The following OGT variants were observed in gnomAD, a reference collection of about 807,000 sequenced individuals.
OGT encodes the protein UDP-N-acetylglucosamine--peptide N-acetylglucosaminyltransferase 110 kDa subunit.
OGT carries 3 observed loss-of-function variants against 75.8 expected under a neutral mutation model. The ratio of observed to expected loss-of-function variants is 0.04; its 90% confidence interval spans 0.02 to 0.10. OGT has a LOEUF of 0.10. Ranked by LOEUF, OGT falls within the 10% of genes least tolerant of loss-of-function variation. The pLI is 1.00. For synonymous variants in OGT, 257 were observed against 289.7 expected (o/e 0.89, Z 1.15); for missense variants, 260 against 824.4 (o/e 0.32, Z 8.38).
At position 71,554,427 on chromosome X, in the gene OGT, C is replaced by T; in HGVS notation, c.649-86C>T. The T allele has an allele frequency of 8.4e-6, 5 of 592,152 alleles. No individual in the cohort carries two copies. In the Admixed American group the frequency reaches 1.2e-4, roughly 15 times the overall value. The allele number at this position is 592,152 out of a possible 1,213,427, so 48.8% of individuals were successfully genotyped here. A position where few individuals can be genotyped will look rare whatever the true frequency, so the allele number is the denominator to read the frequency against. ...AAATGTAATTGAAAGTCTGCAAGGA[C>T]CTTGGAGTAAAAAAATTGTAATTGG... On this transcript the variant is annotated intron_variant, in intron 5 of 21. Coordinates refer to ENST00000373719, the MANE Select transcript of OGT (RefSeq NM_181672.3).
chrX:71,547,808 T>TCTCC, intron 4 of OGT, 99 bp from the exon 5 acceptor site: 1 of 1,068,205 alleles, frequency 9.4e-7, no homozygotes, highest in African/African-American at 2.1e-5. Flanking sequence ...ATCACCTTCT[T>TCTCC]CCCCCCCTCC....
At position 71,575,146 on chromosome X, in the gene OGT, A is replaced by C; in HGVS notation, c.*1352A>C. The C allele has an allele frequency of 9.0e-6, 1 of 111,649 alleles. No individual in the cohort carries two copies. Among genetic ancestry groups the C allele is most frequent in the Non-Finnish European group, 1.9e-5 (1 of 53,128 alleles). 9.2% of individuals were successfully genotyped at this position (111,649 alleles called of 1,213,427 possible). A position where few individuals can be genotyped will look rare whatever the true frequency, so the allele number is the denominator to read the frequency against. ...GAGGGTTTGAGGCTTAAACAAGCCAACATATGAATATATGTTTTGTCTCGC... is the reference window on the plus strand; with the variant it reads ...GAGGGTTTGAGGCTTAAACAAGCCACCATATGAATATATGTTTTGTCTCGC... On this transcript the variant is annotated 3_prime_UTR_variant, in exon 22 of 22. Transcript: ENST00000373719.
chrX:71,542,344 A>G (rs972210520), intron 3 of OGT, among the ~76,000 whole-genome samples: 20 of 112,121 alleles, frequency 1.8e-4, no homozygotes, highest in Non-Finnish European at 2.6e-4. Context: ...TGGATCCCCA[A>G]ACAGGAGAAT....
At chrX:71,561,663 G>A (rs2040385489) in intron 14 of OGT, 112 bp from the exon 15 acceptor site, 1 of 578,040 alleles carries the variant, frequency 1.7e-6, no homozygotes, top group East Asian at 4.2e-5. Context: ...TTCCATCTGG[G>A]AATCTGAATT....
intron 4 of OGT, chrX:71,545,170 A>G (rs969790610): frequency 8.9e-6 from 1 of 112,766 alleles, no homozygotes; most frequent in Non-Finnish European, 1.9e-5. Flanking sequence ...ATTACAAATT[A>G]ATAATTGGAA....
intron 5 of OGT, among the ~76,000 whole-genome samples, chrX:71,548,523 G>C (rs1026823948): frequency 5.4e-5 from 6 of 112,045 alleles, no homozygotes; most frequent in African/African-American, 1.9e-4. Context: ...AATCAACCTA[G>C]ATGCCCATCA....
chrX:71,568,711 C>G (rs767105558), intron 21 of OGT, among the ~76,000 whole-genome samples: 13 of 110,537 alleles, frequency 1.2e-4, no homozygotes, highest in African/African-American at 4.3e-4. Context: ...GCCTGTAGTC[C>G]CAGCTACTCA....
chrX:71,573,535 C>A, intron 21 of OGT, 85 bp from the exon 22 acceptor site: 1 of 875,379 alleles, frequency 1.1e-6, no homozygotes, highest in Non-Finnish European at 1.6e-6. Flanking sequence ...CATTTTTTGC[C>A]ACAAATGCGA....
intron 19 of OGT, among the ~76,000 whole-genome samples, chrX:71,567,205 T>C (rs995185201): frequency 2.7e-5 from 3 of 112,408 alleles, no homozygotes; most frequent in African/African-American, 9.7e-5. Context: ...GATTTGAAAT[T>C]TGGAATGCAA....
intron 3 of OGT, among the ~76,000 whole-genome samples, chrX:71,542,880 AGAG>A (rs1450924047): frequency 2.7e-5 from 3 of 112,440 alleles, no homozygotes; most frequent in African/African-American, 9.7e-5. Context: ...CAGGCTAATT[AGAG>A]GAGAAGTCAA....
rs747570418 is a variant in OGT, at chrX:71,562,513, G to A, written c.1978-334G>A. 6.3e-5 allele frequency among the ~76,000 whole-genome samples: 7 copies of A among 111,860 alleles called. No homozygotes were observed. The East Asian group carries it at 1.7e-3, about 27-fold the overall frequency. On this transcript the variant is annotated intron_variant, in intron 15 of 21. Coordinates refer to ENST00000373719, the MANE Select transcript of OGT (RefSeq NM_181672.3). The stretch of plus-strand genomic sequence containing the variant: ...GCTAAAGAAGTCAGCCTTGCTGTGC[G>A]TGTGGCAAGTGCCTGTAATCCTGGC...
intron 21 of OGT, among the ~76,000 whole-genome samples, chrX:71,570,644 A>G (rs1032227478): frequency 1.3e-4 from 14 of 111,823 alleles, no homozygotes; most frequent in Non-Finnish European, 2.3e-4. Flanking sequence ...GTATCTGGTA[A>G]ACATTCAGCA....
At chrX:71,546,934 C>G (rs2040263819) in intron 4 of OGT, 1 of 753,012 alleles carries the variant, frequency 1.3e-6, no homozygotes, top group Admixed American at 8.7e-5. Context: ...TAACATACCT[C>G]GAGTCCAACT....
chrX:71,539,871 T>A (rs1281969101), intron 3 of OGT, among the ~76,000 whole-genome samples: 1 of 112,101 alleles, frequency 8.9e-6, no homozygotes, highest in African/African-American at 3.2e-5. Context: ...GGCTCAGGTT[T>A]CCAGTTGCCT....
At chrX:71,534,622 T>G (rs2147665760) in intron 1 of OGT, among the ~76,000 whole-genome samples, 1 of 111,384 alleles carries the variant, frequency 9.0e-6, no homozygotes, top group African/African-American at 3.3e-5. Flanking sequence ...GTGGGATTAA[T>G]AATTAGTCCG....
intron 5 of OGT, among the ~76,000 whole-genome samples, chrX:71,550,445 G>A (rs1422578600): frequency 9.0e-6 from 1 of 110,820 alleles, no homozygotes; most frequent in Non-Finnish European, 1.9e-5. Flanking sequence ...GTGCAGTGGC[G>A]CCATAATAGC....
Position 71,533,204 on chromosome X carries a change from G to GCTGCC in OGT, c.-93_-89dup. 2 of 880,350 alleles carry GCTGCC rather than the reference G, an allele frequency of 2.3e-6. No homozygotes were observed. Among genetic ancestry groups the GCTGCC allele is most frequent in the Non-Finnish European group, 3.3e-6 (2 of 611,769 alleles). The allele number at this position is 880,350 out of a possible 1,213,427, so 72.6% of individuals were successfully genotyped here. A position where few individuals can be genotyped will look rare whatever the true frequency, so the allele number is the denominator to read the frequency against. On this transcript the variant is annotated 5_prime_UTR_variant, in exon 1 of 22. Coordinates refer to ENST00000373719, the MANE Select transcript of OGT (RefSeq NM_181672.3). The stretch of plus-strand genomic sequence containing the variant: ...AGCCCTCCAGAGCATTGCTACGGCT[G>GCTGCC]CTGCCCTTGTACTACTACCTCCAAA...
intron 1 of OGT, 60 bp downstream of exon 1, chrX:71,533,396 C>T (rs1279246027): frequency 5.9e-5 from 59 of 991,609 alleles, no homozygotes; most frequent in South Asian, 2.5e-4. Context: ...CCGTCCTCTA[C>T]CTTGTATCAC....
At chrX:71,536,095 C>T in intron 1 of OGT, 83 bp from the exon 2 acceptor site, 1 of 822,434 alleles carries the variant, frequency 1.2e-6, no homozygotes, top group Non-Finnish European at 1.7e-6. Flanking sequence ...TTAAATATAC[C>T]ATATTTTTAC....
Sources: allele counts gnomAD v4.1 joint callset (sites outside exome capture counted in the v4.1 genomes callset), GRCh38; gene constraint gnomAD v4.1.1; transcripts MANE v1.5; gene names NCBI Gene and HGNC (gene_info 2026-07-23, HGNC 2026-07-21).